NCOA2: variants seen among roughly 807,000 people sequenced by gnomAD.
NCOA2 encodes the protein nuclear receptor coactivator 2.
A neutral mutation model predicts 145.1 loss-of-function variants in NCOA2; 21 were observed. That is an observed-to-expected ratio of 0.14 (90% CI 0.10 to 0.21). The LOEUF (loss-of-function observed/expected upper bound fraction) is 0.21, where lower values mean the gene tolerates loss of function less well. Among genes scored for constraint, NCOA2 ranks in the 10% least tolerant of loss-of-function variants. The pLI is 1.00. For missense variants in NCOA2, 1,472 were observed against 1,837.6 expected (o/e 0.80, Z 3.64); for synonymous variants, 619 against 637.5 (o/e 0.97, Z 0.44).
intron 11 of NCOA2, among the ~76,000 whole-genome samples, chr8:70,154,841 G>C (rs1812113248): frequency 6.6e-6 from 1 of 152,112 alleles, no homozygotes; most frequent in Non-Finnish European, 1.5e-5. Context: ...CAGTTAGCCG[G>C]GAAGAGTAAG....
chr8:70,334,486 C>T (rs1479868970), intron 1 of NCOA2, among the ~76,000 whole-genome samples: 1 of 152,186 alleles, frequency 6.6e-6, no homozygotes, highest in African/African-American at 2.4e-5. Context: ...CCTCTGAGAA[C>T]TCCATCTCTC....
chr8:70,368,251 A>AC (rs1810896246), intron 1 of NCOA2, among the ~76,000 whole-genome samples: 1 of 152,246 alleles, frequency 6.6e-6, no homozygotes, highest in Non-Finnish European at 1.5e-5. Flanking sequence ...AGAGAGTGTC[A>AC]CAAGTGCTGG....
chr8:70,254,004 T>C (rs550623310), intron 2 of NCOA2, among the ~76,000 whole-genome samples: 49 of 152,252 alleles, frequency 3.2e-4, no homozygotes, highest in African/African-American at 1.2e-3. Flanking sequence ...TGATAAGGGA[T>C]TGACATCCAG....
At chr8:70,293,859 C>T (rs1182311560) in intron 2 of NCOA2, among the ~76,000 whole-genome samples, 2 of 152,052 alleles carry the variant, frequency 1.3e-5, no homozygotes, top group African/African-American at 2.4e-5. Context: ...TCAGTCTGTT[C>T]AATAAGTTTT....
rs117350879 is a variant in NCOA2 at position 70,396,671 on chromosome 8, G to C, written c.-77+7029C>G. Among the ~76,000 whole-genome samples the C allele has an allele frequency of 6.5e-3, 982 of 152,246 alleles. 17 individuals are homozygous for C. Among genetic ancestry groups the C allele is most frequent in the Non-Finnish European group, 7.2e-3 (490 of 68,022 alleles). Reference sequence around the variant, plus strand: ...TGAGCTGATGACTAAAAAAGCTAGAGACTATTCATGGGTCTTAAAATAAAT... The same window carrying C: ...TGAGCTGATGACTAAAAAAGCTAGACACTATTCATGGGTCTTAAAATAAAT... On this transcript the variant is annotated intron_variant, in intron 1 of 22. Transcript: ENST00000452400.
At chr8:70,371,167 T>C (rs1273436689) in intron 1 of NCOA2, among the ~76,000 whole-genome samples, 2 of 151,992 alleles carry the variant, frequency 1.3e-5, no homozygotes, top group African/African-American at 2.4e-5. Context: ...CAGGCGCCTA[T>C]AGTCCCAGCT....
chr8:70,451,235 A>ATATATATAT, the NCOA2 span, among the ~76,000 whole-genome samples: 64 of 98,586 alleles, frequency 6.5e-4, no homozygotes, highest in African/African-American at 2.7e-3. Flanking sequence ...AAAAAAAAAA[A>ATATATATAT]AAATATATAT....
chr8:70,342,774 TACACACACACACACACACACACAC>T (rs370685018), intron 1 of NCOA2, among the ~76,000 whole-genome samples: 7 of 124,126 alleles, frequency 5.6e-5, no homozygotes, highest in Admixed American at 2.5e-4. Flanking sequence ...CTTTTGCAAT[TACACACACACACACACACACACAC>T]ACACACACAC....
At chr8:70,357,362 A>G (rs984211225) in intron 1 of NCOA2, 1 of 152,090 alleles carries the variant, frequency 6.6e-6, no homozygotes, top group African/African-American at 2.4e-5. Flanking sequence ...GCCAGAGTGC[A>G]GTGGTGTTTA....
intron 4 of NCOA2, among the ~76,000 whole-genome samples, chr8:70,194,596 AT>A (rs1817068916): frequency 6.6e-6 from 1 of 151,962 alleles, no homozygotes. Flanking sequence ...CAAGCCTGGT[AT>A]CCAATATTCT....
the NCOA2 span, among the ~76,000 whole-genome samples, chr8:70,452,650 T>A: frequency 4.0e-5 from 6 of 151,798 alleles, no homozygotes; most frequent in African/African-American, 1.5e-4. Context: ...AAACACAAAA[T>A]ATACTAAAAA....
At chr8:70,280,142 TCAGA>T (rs1825764574) in intron 2 of NCOA2, among the ~76,000 whole-genome samples, 2 of 152,294 alleles carry the variant, frequency 1.3e-5, no homozygotes, top group South Asian at 4.1e-4. Flanking sequence ...AGTTTAAAGC[TCAGA>T]CAAAGCATAT....
chr8:70,233,955 T>C (rs1172998407), intron 2 of NCOA2, among the ~76,000 whole-genome samples: 1 of 152,170 alleles, frequency 6.6e-6, no homozygotes, highest in African/African-American at 2.4e-5. Flanking sequence ...CATCACCATA[T>C]GTAATTCCAA....
chr8:70,145,542 C>T (rs1397993122), intron 12 of NCOA2, among the ~76,000 whole-genome samples: 1 of 151,618 alleles, frequency 6.6e-6, no homozygotes, highest in Non-Finnish European at 1.5e-5. Context: ...AGGATGGTCT[C>T]GATCTCTTGA....
At chr8:70,286,188 G>A (rs7827089) in intron 2 of NCOA2, among the ~76,000 whole-genome samples, 6,936 of 152,210 alleles carry the variant, frequency 0.046, 264 homozygotes, top group East Asian at 0.16. Context: ...TGAGGTGGGA[G>A]GATCACTTGA....
chr8:70,128,836 G>C lies in NCOA2; in HGVS notation c.3469C>G (p.His1157Asp), dbSNP rs375636127. 25 of 1,614,058 alleles carry C rather than the reference G, an allele frequency of 1.5e-5. No individual in the cohort carries two copies. Among genetic ancestry groups the C allele is most frequent in the Non-Finnish European group, 1.8e-5 (21 of 1,179,898 alleles). The change falls in exon 17 of 23, where the codon CAC becomes GAC. Residue 1157 changes from histidine (H) to aspartate (D), a missense_variant. By Grantham distance (81) the His-to-Asp change is moderately conservative. This residue lies in a region of NCOA2 where 953 missense variants were observed against 1,062.1 expected (regional missense o/e 0.90). Transcript: ENST00000452400. Reference protein sequence around the residue: ...SYSPMQDPNFHTMGQRPSYAT... With the variant: ...SYSPMQDPNFDTMGQRPSYAT... ...TAACTAGGCCGCTGTCCCATGGTGT[G>C]AAAGTTTGGATCTTGCATGGGAGAA...
intron 2 of NCOA2, among the ~76,000 whole-genome samples, chr8:70,221,469 C>T (rs1305908953): frequency 6.6e-6 from 1 of 152,102 alleles, no homozygotes; most frequent in East Asian, 1.9e-4. Flanking sequence ...GGGCCAGGCT[C>T]TGATAAGTCT....
intron 1 of NCOA2, among the ~76,000 whole-genome samples, chr8:70,315,763 A>G (rs1419066524): frequency 6.6e-6 from 1 of 152,180 alleles, no homozygotes; most frequent in Non-Finnish European, 1.5e-5. Context: ...TGATTTTGCA[A>G]CACTAATAGC....
Position 70,112,229 on chromosome 8 carries a change from A to G in NCOA2, c.*1403T>C, listed in dbSNP as rs1806603469. The G allele has an allele frequency of 4.9e-6, 1 of 202,288 alleles. No homozygotes were observed. 12.5% of individuals were successfully genotyped at this position (202,288 alleles called of 1,614,324 possible). The stretch of plus-strand genomic sequence containing the variant: ...TAAGTCTACAAATTAGGTCTAATCA[A>G]GGCATTGATATCCTTTACAAAACAC... On this transcript the variant is annotated 3_prime_UTR_variant, in exon 23 of 23. Transcript: ENST00000452400.
Sources: allele counts gnomAD v4.1 joint callset (sites outside exome capture counted in the v4.1 genomes callset), GRCh38; gene constraint gnomAD v4.1.1; regional missense constraint gnomAD v4.1.1; transcripts MANE v1.5; gene names NCBI Gene and HGNC (gene_info 2026-07-23, HGNC 2026-07-21).